PEAK1: variants seen among roughly 807,000 people sequenced by gnomAD.
The protein encoded by PEAK1 is inactive tyrosine-protein kinase PEAK1.
PEAK1 carries 54 observed loss-of-function variants against 124.7 expected under a neutral mutation model. The ratio of observed to expected loss-of-function variants is 0.43; its 90% CI spans 0.35 to 0.54. The LOEUF (loss-of-function observed/expected upper bound fraction) is 0.54, where lower values mean the gene tolerates loss of function less well. PEAK1 is among the 20% of genes least tolerant of loss of function. The pLI, the probability that PEAK1 is intolerant of heterozygous loss-of-function variation, is 0.01. For synonymous variants in PEAK1, 719 were observed against 760.0 expected (o/e 0.95, Z 0.89); for missense variants, 2,046 against 2,134.5 (o/e 0.96, Z 0.82).
intron 6 of PEAK1, among the ~76,000 whole-genome samples, chr15:77,198,446 T>C (rs1371243525): frequency 6.6e-6 from 1 of 152,312 alleles, no homozygotes; most frequent in South Asian, 2.1e-4. Flanking sequence ...AAGAAAAAGC[T>C]GAATTGCTTG....
At position 77,114,418 on chromosome 15, in the gene PEAK1, T is replaced by C. The variant is rs1299502357; in HGVS notation, c.4979A>G (p.Lys1660Arg). Residue 1660 changes from lysine to arginine, a missense_variant, in exon 10 of 10, where the codon AAA (lysine) becomes AGA (arginine). Lys to Arg is a conservative substitution (Grantham distance 26). Transcript: ENST00000682557. ...CCAGAGCAGACACTGGAGGATGCCT[T>C]TGGCGTCTGAAATGAGGATCCGCTC... ...PSERILISDA[K>R]GILQCLLWGP... is the part of the protein sequence containing the mutation. 8 of 1,614,030 alleles carry C rather than the reference T, an allele frequency of 5.0e-6. No individual in the cohort carries two copies. The highest frequency in any genetic ancestry group is 2.2e-5 in the East Asian group (1 of 44,884).
intron 2 of PEAK1, among the ~76,000 whole-genome samples, chr15:77,307,751 A>G (rs1206102639): frequency 1.3e-5 from 2 of 151,944 alleles, no homozygotes; most frequent in East Asian, 3.9e-4. Context: ...CCCCCTCTCA[A>G]CAAAAGGGAT....
chr15:77,161,387 G>A (rs1206773764), intron 7 of PEAK1, among the ~76,000 whole-genome samples: 1 of 152,152 alleles, frequency 6.6e-6, no homozygotes, highest in Non-Finnish European at 1.5e-5. Context: ...TTAACCCTTT[G>A]CAAACTAAGG....
At chr15:77,266,939 C>T (rs576206531) in intron 5 of PEAK1, among the ~76,000 whole-genome samples, 3 of 151,862 alleles carry the variant, frequency 2.0e-5, no homozygotes, top group Non-Finnish European at 4.4e-5. Flanking sequence ...GGCAAGTTCT[C>T]AGCCCTCCTC....
Position 77,133,312 on chromosome 15 carries a change from C to T in PEAK1, c.3770G>A (p.Arg1257Gln), listed in dbSNP as rs201423856. The T allele has an allele frequency of 8.6e-5, 139 of 1,614,232 alleles. No individual in the cohort carries two copies. The East Asian group carries it at 2.5e-3, about 29-fold the overall frequency. The part of the protein sequence containing the change: ...FSNSMESLSS[R>Q]RGPSCRQGRG... ...GCCCTGTCTGCAAGAGGGCCCACGCCGGCTGGAGAGGGATTCCATGCTGTT... is the reference window on the plus strand; with the variant it reads ...GCCCTGTCTGCAAGAGGGCCCACGCTGGCTGGAGAGGGATTCCATGCTGTT... The change falls in exon 9 of 10, where the codon CGG (arginine) becomes CAG (glutamine). Residue 1257 changes from arginine to glutamine, a missense_variant. Transcript: ENST00000682557. This position sits in a 1 kb window ranked among gnomAD's most constrained non-coding sequence, Gnocchi z 4.2.
chr15:77,415,983 CT>C (rs1453427337), intron 1 of PEAK1, among the ~76,000 whole-genome samples: 1 of 152,208 alleles, frequency 6.6e-6, no homozygotes, highest in Non-Finnish European at 1.5e-5. Context: ...CATTGTACCC[CT>C]CTCAATTAGC....
Position 77,181,633 on chromosome 15 carries a change from T to C in PEAK1, c.294A>G (p.Lys98=). The stretch of plus-strand genomic sequence containing the variant: ...TTCGGTTCCACCCTATGATGACAGG[T>C]TTGTTCTCACAGTGTTCTTGGATGC... ...ELSIQEHCEN[K]PVIIGWNRNR... The change falls in exon 7 of 10, where the codon AAA becomes AAG. Residue 98 remains lysine (K), a synonymous_variant. Coordinates refer to ENST00000682557, the MANE Select transcript of PEAK1 (RefSeq NM_001385026.1). The C allele has an allele frequency of 6.2e-7, 1 of 1,614,072 alleles. No homozygotes were observed. The highest frequency in any genetic ancestry group is 8.5e-7 in the Non-Finnish European group (1 of 1,180,000).
intron 2 of PEAK1, chr15:77,346,006 A>T (rs2066854408): frequency 1.0e-6 from 1 of 985,326 alleles, no homozygotes; most frequent in Non-Finnish European, 1.2e-6. Flanking sequence ...TACCTGGGGA[A>T]ATGAAATGGA....
At chr15:77,126,579 C>T (rs2052393559) in intron 9 of PEAK1, among the ~76,000 whole-genome samples, 1 of 152,074 alleles carries the variant, frequency 6.6e-6, no homozygotes, top group Non-Finnish European at 1.5e-5. Context: ...TTGTTAATAA[C>T]AATAATGCAT....
At chr15:77,279,042 G>A (rs2062507489) in intron 5 of PEAK1, among the ~76,000 whole-genome samples, 1 of 151,824 alleles carries the variant, frequency 6.6e-6, no homozygotes. Context: ...TGTTGGTCAA[G>A]CTGGTCTTGA....
chr15:77,349,033 A>G (rs1439025438), intron 2 of PEAK1: 2 of 933,450 alleles, frequency 2.1e-6, no homozygotes, highest in Non-Finnish European at 2.6e-6. Context: ...AATTTTATTC[A>G]GTCAATAATT....
At chr15:77,300,194 C>T (rs1300413339) in intron 2 of PEAK1, among the ~76,000 whole-genome samples, 1 of 152,166 alleles carries the variant, frequency 6.6e-6, no homozygotes, top group Non-Finnish European at 1.5e-5. Context: ...GTCAGTAATA[C>T]GAAAGCCAAA....
At chr15:77,208,617 A>G (rs922410187) in intron 6 of PEAK1, among the ~76,000 whole-genome samples, 2 of 152,208 alleles carry the variant, frequency 1.3e-5, no homozygotes, top group African/African-American at 4.8e-5. Flanking sequence ...ATTCTAGGCA[A>G]TGTTGTATAG....
intron 2 of PEAK1, among the ~76,000 whole-genome samples, chr15:77,314,369 T>C (rs548183014): frequency 1.4e-4 from 21 of 151,944 alleles, no homozygotes; most frequent in Non-Finnish European, 2.9e-4. Context: ...CCCATTACAA[T>C]GAATTTTCTT....
At chr15:77,311,204 T>A (rs1008303663) in intron 2 of PEAK1, among the ~76,000 whole-genome samples, 1 of 152,206 alleles carries the variant, frequency 6.6e-6, no homozygotes, top group Non-Finnish European at 1.5e-5. Flanking sequence ...ATATGATAAC[T>A]GCCAGAGTTA....
At chr15:77,264,890 C>G (rs1251663473) in intron 5 of PEAK1, among the ~76,000 whole-genome samples, 1 of 152,140 alleles carries the variant, frequency 6.6e-6, no homozygotes, top group Non-Finnish European at 1.5e-5. Flanking sequence ...CAGCATGGTA[C>G]TGGTACCAAA....
At chr15:77,170,582 G>C (rs549262288) in intron 7 of PEAK1, among the ~76,000 whole-genome samples, 1 of 152,180 alleles carries the variant, frequency 6.6e-6, no homozygotes, top group South Asian at 2.1e-4. Context: ...GATATCAGGG[G>C]GCAAGATATT....
intron 1 of PEAK1, among the ~76,000 whole-genome samples, chr15:77,396,173 C>T (rs1416848693): frequency 6.6e-6 from 1 of 151,980 alleles, no homozygotes; most frequent in Non-Finnish European, 1.5e-5. Context: ...AACCCATTAT[C>T]AAATATCTAT....
intron 6 of PEAK1, among the ~76,000 whole-genome samples, chr15:77,185,225 A>G (rs1052806102): frequency 1.3e-5 from 2 of 152,240 alleles, no homozygotes; most frequent in African/African-American, 4.8e-5. Context: ...AGGGAAGACT[A>G]TGAGTCCATA....
Sources: allele counts gnomAD v4.1 joint callset (sites outside exome capture counted in the v4.1 genomes callset), GRCh38; gene constraint gnomAD v4.1.1; non-coding constraint Gnocchi (gnomAD v3.1); transcripts MANE v1.5; gene names NCBI Gene and HGNC (gene_info 2026-07-23, HGNC 2026-07-21).